CADPS2: variants seen among roughly 807,000 people sequenced by gnomAD.
CADPS2 encodes the protein calcium-dependent secretion activator 2.
CADPS2 carries 93 observed loss-of-function variants against 172.5 expected under a neutral mutation model. The ratio of observed to expected loss-of-function variants is 0.54; its 90% CI spans 0.46 to 0.64. CADPS2 has a LOEUF of 0.64. Among genes scored for constraint, CADPS2 ranks in the 30% least tolerant of loss-of-function variants. CADPS2 has a pLI of 0.00. For missense variants in CADPS2, 1,420 were observed against 1,565.9 expected, an observed-to-expected ratio of 0.91 and a Z score of 1.57; for synonymous variants, 546 against 555.2, an observed-to-expected ratio of 0.98 and a Z score of 0.23.
At chr7:122,407,418 C>T (rs1275940323) in intron 20 of CADPS2, 122 bp downstream of exon 20, 1 of 1,088,830 alleles carries the variant, frequency 9.2e-7, no homozygotes, top group Non-Finnish European at 1.3e-6. Flanking sequence ...GCTGAGCAAA[C>T]CTAAATGTTA....
intron 2 of CADPS2, among the ~76,000 whole-genome samples, chr7:122,678,718 T>C (rs531944730): frequency 1.2e-4 from 18 of 152,266 alleles, no homozygotes; most frequent in African/African-American, 4.3e-4. Flanking sequence ...ATAGTGATGT[T>C]ATCTATAGGA....
intron 2 of CADPS2, chr7:122,697,611 CAA>C: frequency 1.8e-6 from 1 of 543,210 alleles, no homozygotes; most frequent in Non-Finnish European, 3.1e-6. Flanking sequence ...CAAAATTGCA[CAA>C]AAAAAATCCC....
At chr7:122,707,789 A>G (rs2087830866) in intron 2 of CADPS2, among the ~76,000 whole-genome samples, 1 of 151,410 alleles carries the variant, frequency 6.6e-6, no homozygotes, top group South Asian at 2.1e-4. Context: ...TACAATTTTT[A>G]ATGTTTTCTT....
intron 6 of CADPS2, chr7:122,585,546 A>T (rs1164825074): frequency 6.6e-6 from 1 of 151,314 alleles, no homozygotes; most frequent in Non-Finnish European, 1.5e-5. Flanking sequence ...CTTATTTTCT[A>T]CTTAATTGGC....
intron 9 of CADPS2, among the ~76,000 whole-genome samples, chr7:122,496,518 T>C (rs942045367): frequency 6.6e-6 from 1 of 152,210 alleles, no homozygotes; most frequent in Non-Finnish European, 1.5e-5. Flanking sequence ...TCATTTTTAA[T>C]ATATGCATTT....
intron 4 of CADPS2, among the ~76,000 whole-genome samples, chr7:122,623,057 T>G (rs1338161875): frequency 6.6e-6 from 1 of 152,154 alleles, no homozygotes; most frequent in African/African-American, 2.4e-5. Context: ...AAAATTAAAA[T>G]TGCATAATGT....
intron 14 of CADPS2, among the ~76,000 whole-genome samples, chr7:122,467,326 T>G (rs187355153): frequency 8.3e-4 from 127 of 152,300 alleles, no homozygotes; most frequent in Non-Finnish European, 9.7e-4. Flanking sequence ...TGATCCTACG[T>G]GATGCAATTA....
At chr7:122,711,445 T>C (rs1388734742) in intron 2 of CADPS2, among the ~76,000 whole-genome samples, 1 of 152,048 alleles carries the variant, frequency 6.6e-6, no homozygotes, top group Non-Finnish European at 1.5e-5. Flanking sequence ...ATGTATACCA[T>C]GGTACCTCAG....
chr7:122,764,018 T>A (rs1009554643), intron 1 of CADPS2, among the ~76,000 whole-genome samples: 1 of 152,162 alleles, frequency 6.6e-6, no homozygotes, highest in Non-Finnish European at 1.5e-5. Flanking sequence ...TTTAGGCACA[T>A]AATTATAACC....
intron 2 of CADPS2, among the ~76,000 whole-genome samples, chr7:122,670,442 A>G (rs189988116): frequency 6.6e-6 from 1 of 150,990 alleles, no homozygotes; most frequent in African/African-American, 2.4e-5. Context: ...GTGGTGACAC[A>G]TGCCTGTAGT....
chr7:122,493,571 C>T (rs1024422283), intron 9 of CADPS2, among the ~76,000 whole-genome samples: 11 of 152,206 alleles, frequency 7.2e-5, no homozygotes, highest in Admixed American at 6.5e-4. Context: ...GTTACTAGTA[C>T]ACAGTGTGGG....
chr7:122,823,222 C>T (rs919885146), intron 1 of CADPS2, among the ~76,000 whole-genome samples: 2 of 152,138 alleles, frequency 1.3e-5, no homozygotes, highest in Non-Finnish European at 2.9e-5. Flanking sequence ...ATTAAAGAAA[C>T]ATCTAATGGT....
At chr7:122,745,269 C>T (rs1450499017) in intron 1 of CADPS2, among the ~76,000 whole-genome samples, 1 of 151,834 alleles carries the variant, frequency 6.6e-6, no homozygotes, top group East Asian at 1.9e-4. Context: ...ATAATTGAAA[C>T]TTTGCCCTCT....
At chr7:122,758,409 G>A (rs901755002) in intron 1 of CADPS2, among the ~76,000 whole-genome samples, 1 of 152,132 alleles carries the variant, frequency 6.6e-6, no homozygotes, top group Non-Finnish European at 1.5e-5. Flanking sequence ...CATCGCGTAT[G>A]TATTATAATG....
intron 1 of CADPS2, among the ~76,000 whole-genome samples, chr7:122,826,567 T>C (rs1804937538): frequency 6.6e-6 from 1 of 151,150 alleles, no homozygotes; most frequent in African/African-American, 2.4e-5. Flanking sequence ...TAAATGAATA[T>C]AAAATAGAAA....
chr7:122,334,699 GAAAT>G (rs1217163088), intron 28 of CADPS2, among the ~76,000 whole-genome samples: 19 of 152,120 alleles, frequency 1.2e-4, no homozygotes, highest in Admixed American at 1.1e-3. Context: ...AGCAGAGGGA[GAAAT>G]AAATAAACAA....
At position 122,491,345 on chromosome 7, in the gene CADPS2, C is replaced by T; in HGVS notation, c.1618G>A (p.Gly540Ser). Residue 540 changes from glycine (G) to serine (S), a missense_variant, in exon 10 of 30, where the codon GGC becomes AGC. Gly to Ser is a moderately conservative substitution (Grantham distance 56). Transcript: ENST00000449022. ...SEPQELMQLE[G>S]YTVDYTDPHP... is the part of the protein sequence containing the mutation. ...GGATCGGTATAATCCACAGTATAGCCTTCAAGCTGCATTAATTCTTGTGGT... is the reference window on the plus strand; with the variant it reads ...GGATCGGTATAATCCACAGTATAGCTTTCAAGCTGCATTAATTCTTGTGGT... 6.2e-7 allele frequency: 1 copy of T among 1,611,372 alleles called. No individual in the cohort carries two copies. Among genetic ancestry groups the T allele is most frequent in the South Asian group, 1.1e-5 (1 of 90,612 alleles).
intron 9 of CADPS2, among the ~76,000 whole-genome samples, chr7:122,496,989 C>G (rs1163884454): frequency 2.6e-5 from 4 of 152,020 alleles, no homozygotes; most frequent in African/African-American, 7.2e-5. Flanking sequence ...AAGAAATAAT[C>G]TCATATATAT....
chr7:122,337,715 G>A (rs10225767), intron 28 of CADPS2, among the ~76,000 whole-genome samples: 2 of 150,166 alleles, frequency 1.3e-5, no homozygotes, highest in Admixed American at 1.3e-4. Flanking sequence ...ACCAGACAGC[G>A]GTAATTCGAG....
Sources: gnomAD v4.1 joint callset for allele counts (sites outside exome capture counted in the v4.1 genomes callset) on GRCh38, gnomAD v4.1.1 for gene constraint, MANE v1.5 for transcripts, NCBI Gene and HGNC (gene_info 2026-07-23, HGNC 2026-07-21) for gene names.